COL19A1: variants seen among roughly 807,000 people sequenced by gnomAD.
The protein encoded by COL19A1 is collagen type XIX alpha 1 chain.
Under a neutral mutation model 190.2 loss-of-function variants are expected in COL19A1, and 159 were observed. That is an observed-to-expected ratio of 0.84 (90% CI 0.73 to 0.95). The LOEUF (loss-of-function observed/expected upper bound fraction) is 0.95. Ranked by LOEUF, COL19A1 falls within the 40% of genes least tolerant of loss-of-function variation. The pLI is 0.00. For missense variants in COL19A1, 1,418 were observed against 1,431.9 expected, an observed-to-expected ratio of 0.99 and a Z score of 0.16; for synonymous variants, 509 against 458.9, an observed-to-expected ratio of 1.11 and a Z score of -1.39.
At chr6:69,924,981 A>G (rs1410728707) in intron 4 of COL19A1, among the ~76,000 whole-genome samples, 1 of 152,196 alleles carries the variant, frequency 6.6e-6, no homozygotes, top group Non-Finnish European at 1.5e-5. Flanking sequence ...GATTCTGGAT[A>G]TTAGCCCTTT....
At chr6:70,016,091 T>C in intron 11 of COL19A1, among the ~76,000 whole-genome samples, 1 of 6,112 alleles carries the variant, frequency 1.6e-4, no homozygotes, top group East Asian at 2.9e-3. Flanking sequence ...TTGGAAACCA[T>C]CATTCTCAGT....
chr6:70,086,139 AAATGGCCCTAT>A (rs975927632), intron 15 of COL19A1, among the ~76,000 whole-genome samples: 4 of 152,110 alleles, frequency 2.6e-5, no homozygotes, highest in Non-Finnish European at 5.9e-5. Context: ...ATAATATAAT[AAATGGCCCTAT>A]ACTTTTCGTA....
intron 11 of COL19A1, among the ~76,000 whole-genome samples, chr6:69,999,807 T>C (rs1054770660): frequency 1.3e-5 from 2 of 152,230 alleles, no homozygotes; most frequent in Non-Finnish European, 2.9e-5. Flanking sequence ...AGTTACGTTG[T>C]GTAACTTCCT....
intron 48 of COL19A1, among the ~76,000 whole-genome samples, chr6:70,193,000 T>C (rs1766978212): frequency 6.6e-6 from 1 of 152,224 alleles, no homozygotes; most frequent in African/African-American, 2.4e-5. Flanking sequence ...CTTCAGTCTC[T>C]TAAGAGGCTT....
intron 20 of COL19A1, among the ~76,000 whole-genome samples, chr6:70,141,624 T>C (rs1481579811): frequency 3.3e-5 from 5 of 152,108 alleles, no homozygotes; most frequent in Non-Finnish European, 7.4e-5. Flanking sequence ...AAGTAGAGAA[T>C]GCAGTGATTG....
intron 14 of COL19A1, among the ~76,000 whole-genome samples, chr6:70,053,529 T>C (rs1257235483): frequency 6.6e-6 from 1 of 152,180 alleles, no homozygotes; most frequent in African/African-American, 2.4e-5. Flanking sequence ...TAGTACTGAA[T>C]TGGAGTTACA....
At chr6:70,076,145 A>G (rs1261456884) in intron 15 of COL19A1, among the ~76,000 whole-genome samples, 1 of 152,146 alleles carries the variant, frequency 6.6e-6, no homozygotes, top group Non-Finnish European at 1.5e-5. Flanking sequence ...GGGTGGACCC[A>G]TTTCAGGAAC....
intron 25 of COL19A1, among the ~76,000 whole-genome samples, chr6:70,145,776 A>G (rs1349062429): frequency 7.0e-6 from 1 of 142,002 alleles, no homozygotes; most frequent in African/African-American, 2.7e-5. Context: ...GCTAGAGTGC[A>G]GTGGTACAAT....
At chr6:69,934,731 T>C (rs1772992744) in intron 7 of COL19A1, among the ~76,000 whole-genome samples, 1 of 146,902 alleles carries the variant, frequency 6.8e-6, no homozygotes, top group African/African-American at 2.4e-5. Context: ...GGAAAGACTG[T>C]ATTTTTGCTG....
chr6:69,986,914 TTTGTGTTGTG>T (rs139952850), intron 11 of COL19A1, among the ~76,000 whole-genome samples: 1 of 152,258 alleles, frequency 6.6e-6, no homozygotes, highest in East Asian at 1.9e-4. Flanking sequence ...TTTGTTTCAT[TTTGTGTTGTG>T]TTGTGTTGTG....
intron 14 of COL19A1, among the ~76,000 whole-genome samples, chr6:70,058,131 G>A (rs2150138818): frequency 2.0e-5 from 3 of 152,038 alleles, no homozygotes; most frequent in African/African-American, 7.2e-5. Flanking sequence ...TAGCGACAGA[G>A]AACAAGTTAT....
intron 17 of COL19A1, 149 bp from the exon 18 acceptor site, chr6:70,130,033 G>A (rs1311110202): frequency 3.0e-5 from 21 of 711,336 alleles, no homozygotes; most frequent in Non-Finnish European, 4.6e-5. Context: ...AACAACAGGC[G>A]AGAGAGACAA....
At chr6:70,086,183 A>G (rs1489791322) in intron 15 of COL19A1, among the ~76,000 whole-genome samples, 1 of 152,068 alleles carries the variant, frequency 6.6e-6, no homozygotes, top group African/African-American at 2.4e-5. Flanking sequence ...ACTACTCTAG[A>G]AATATTTCCA....
intron 16 of COL19A1, among the ~76,000 whole-genome samples, chr6:70,120,293 C>T (rs890660755): frequency 2.6e-5 from 4 of 152,172 alleles, no homozygotes; most frequent in African/African-American, 9.7e-5. Flanking sequence ...GTCATCAACA[C>T]ACACTCACTG....
chr6:69,910,187 G>T (rs1417348292), intron 4 of COL19A1, among the ~76,000 whole-genome samples: 1 of 152,122 alleles, frequency 6.6e-6, no homozygotes, highest in Non-Finnish European at 1.5e-5. Context: ...CACCAAAGAA[G>T]ACTTAAGAAC....
intron 4 of COL19A1, among the ~76,000 whole-genome samples, chr6:69,923,657 C>T (rs1772151597): frequency 6.6e-6 from 1 of 152,110 alleles, no homozygotes; most frequent in Admixed American, 6.6e-5. Context: ...ATAGAGGGCA[C>T]TAGAAAGCTC....
At chr6:69,993,316 C>T (rs1195282149) in intron 11 of COL19A1, among the ~76,000 whole-genome samples, 1 of 152,102 alleles carries the variant, frequency 6.6e-6, no homozygotes, top group Non-Finnish European at 1.5e-5. Flanking sequence ...CCTACTTGAT[C>T]ATGGATGATT....
intron 42 of COL19A1, among the ~76,000 whole-genome samples, chr6:70,177,577 G>A (rs1369871777): frequency 6.6e-6 from 1 of 152,234 alleles, no homozygotes; most frequent in Admixed American, 6.5e-5. Flanking sequence ...TCGTATGACT[G>A]TAAAAGTAGC....
intron 4 of COL19A1, among the ~76,000 whole-genome samples, chr6:69,912,128 T>G (rs1770969653): frequency 6.6e-6 from 1 of 152,146 alleles, no homozygotes; most frequent in African/African-American, 2.4e-5. Context: ...CCACCTTTTC[T>G]GCCCATTGGA....
Sources: allele counts gnomAD v4.1 joint callset (sites outside exome capture counted in the v4.1 genomes callset), GRCh38; gene constraint gnomAD v4.1.1; transcripts MANE v1.5; gene names NCBI Gene and HGNC (gene_info 2026-07-23, HGNC 2026-07-21).